The following EXOC4 variants were observed in gnomAD, a reference collection of about 807,000 sequenced individuals.
EXOC4 encodes exocyst complex component 4, also known as SEC8-like 1.
A neutral mutation model predicts 107.2 loss-of-function variants in EXOC4; 71 were observed. That is an observed-to-expected ratio of 0.66 (90% confidence interval 0.55 to 0.81). The LOEUF is 0.81. Among genes scored for constraint, EXOC4 ranks in the 30% least tolerant of loss-of-function variants. The pLI, the probability that EXOC4 is intolerant of heterozygous loss-of-function variation, is 0.00. For missense variants in EXOC4, 1,108 were observed against 1,189.6 expected, an observed-to-expected ratio of 0.93 and a Z score of 1.01; for synonymous variants, 456 against 441.2, an observed-to-expected ratio of 1.03 and a Z score of -0.42.
intron 10 of EXOC4, among the ~76,000 whole-genome samples, chr7:133,702,004 T>TC (rs1562915057): frequency 7.2e-6 from 1 of 139,648 alleles, no homozygotes; most frequent in African/African-American, 2.6e-5. Context: ...TTTCTTTTTT[T>TC]TTTTTTTTTT....
intron 17 of EXOC4, among the ~76,000 whole-genome samples, chr7:134,050,328 T>G (rs1795755653): frequency 6.6e-6 from 1 of 152,162 alleles, no homozygotes; most frequent in African/African-American, 2.4e-5. Flanking sequence ...CTTAGTCTTC[T>G]TAACAATTCT....
chr7:133,714,121 T>A lies in EXOC4; in HGVS notation c.1514+83980T>A, dbSNP rs569265456. 5.3e-5 allele frequency among the ~76,000 whole-genome samples: 8 copies of A among 151,790 alleles called. No individual in the cohort carries two copies. In the East Asian group the frequency reaches 1.2e-3, roughly 22 times the overall value. On this transcript the variant is annotated intron_variant, in intron 10 of 17. Transcript: ENST00000253861. ...AGTACTAGGTAGAAGCTTTCTAGAG[T>A]TGGGAGAGAGTTTTTTCTGCAAAAA...
In EXOC4 at chr7:133,630,046, G is replaced by A; in HGVS notation, c.1419G>A (p.Gly473=). The A allele has an allele frequency of 2.5e-6, 4 of 1,611,584 alleles. No individual in the cohort carries two copies. Among genetic ancestry groups the A allele is most frequent in the Non-Finnish European group, 3.4e-6 (4 of 1,178,014 alleles). Residue 473 remains glycine, a splice_region_variant and synonymous_variant, in exon 10 of 18, where the codon GGG becomes GGA. Transcript: ENST00000253861. ...ELYSRSGELQ[G]GPDDNLIEGG... is the part of the protein sequence containing the mutation. ...TGTTTTTTTTCTTTCTTCTGAAAGG[G>A]GGTCCTGATGACAACTTAATTGAAG...
At chr7:133,465,565 A>G (rs1290997731) in intron 7 of EXOC4, among the ~76,000 whole-genome samples, 1 of 152,238 alleles carries the variant, frequency 6.6e-6, no homozygotes, top group Non-Finnish European at 1.5e-5. Context: ...CATGTATGGT[A>G]CACTCAACAC....
chr7:133,821,089 A>G (rs1429727268), intron 11 of EXOC4, among the ~76,000 whole-genome samples: 1 of 152,226 alleles, frequency 6.6e-6, no homozygotes, highest in Non-Finnish European at 1.5e-5. Context: ...ACTAGTGGTA[A>G]TAATAGAAGA....
At chr7:133,990,659 T>C (rs1169982800) in intron 14 of EXOC4, among the ~76,000 whole-genome samples, 1 of 152,156 alleles carries the variant, frequency 6.6e-6, no homozygotes, top group Admixed American at 6.5e-5. Context: ...TTTCAGCATG[T>C]TGGCCGGGCT....
At chr7:133,833,475 T>G (rs775488445) in intron 11 of EXOC4, among the ~76,000 whole-genome samples, 8 of 152,028 alleles carry the variant, frequency 5.3e-5, no homozygotes, top group Non-Finnish European at 1.0e-4. Context: ...TAACTAGGAG[T>G]TGTTTTTGTT....
chr7:133,336,861 G>A (rs1159055271), intron 5 of EXOC4, among the ~76,000 whole-genome samples: 1 of 152,018 alleles, frequency 6.6e-6, no homozygotes, highest in Non-Finnish European at 1.5e-5. Flanking sequence ...AGCCTCCAGA[G>A]TAGCTGGGAC....
At chr7:134,060,564 G>T (rs943727856) in intron 17 of EXOC4, among the ~76,000 whole-genome samples, 1 of 152,192 alleles carries the variant, frequency 6.6e-6, no homozygotes, top group Non-Finnish European at 1.5e-5. Context: ...ATTTCCTGGG[G>T]CCTCAATAAG....
At chr7:133,328,109 G>A (rs1281744124) in intron 5 of EXOC4, among the ~76,000 whole-genome samples, 1 of 152,168 alleles carries the variant, frequency 6.6e-6, no homozygotes, top group Non-Finnish European at 1.5e-5. Flanking sequence ...ATGAATCTGA[G>A]TGCTTCTGTA....
chr7:134,036,276 CT>C (rs1452606944), intron 17 of EXOC4, among the ~76,000 whole-genome samples: 1 of 152,162 alleles, frequency 6.6e-6, no homozygotes, highest in African/African-American at 2.4e-5. Flanking sequence ...TTCTCTCCAG[CT>C]TATGTATCAT....
intron 12 of EXOC4, among the ~76,000 whole-genome samples, chr7:133,902,638 A>G (rs1250636892): frequency 6.6e-5 from 10 of 152,124 alleles, no homozygotes. Context: ...GCAGATCACC[A>G]GGTCAACAGA....
At chr7:133,669,405 C>T (rs2151055794) in intron 10 of EXOC4, among the ~76,000 whole-genome samples, 1 of 152,258 alleles carries the variant, frequency 6.6e-6, no homozygotes, top group South Asian at 2.1e-4. Context: ...AGCTTTTTGG[C>T]CAGGCCAGGG....
chr7:133,699,582 G>T (rs1209771482), intron 10 of EXOC4, among the ~76,000 whole-genome samples: 1 of 152,096 alleles, frequency 6.6e-6, no homozygotes, highest in Non-Finnish European at 1.5e-5. Flanking sequence ...GTAGGGTTGC[G>T]GTGGCCTTTA....
rs541067375 is a variant in EXOC4 at position 133,770,277 on chromosome 7, C to T, written c.1515-47048C>T. On this transcript the variant is annotated intron_variant, in intron 10 of 17. Transcript: ENST00000253861. Reference sequence around the variant, plus strand: ...CCAGGTTATTGTGAGGAAGCTAAGGCACAAGAAATTAAGCAACTTGCCCAT... The same window carrying T: ...CCAGGTTATTGTGAGGAAGCTAAGGTACAAGAAATTAAGCAACTTGCCCAT... Among the ~76,000 whole-genome samples the T allele has an allele frequency of 2.0e-5, 3 of 151,956 alleles. No homozygotes were observed. The South Asian group carries it at 6.2e-4, about 32-fold the overall frequency.
intron 10 of EXOC4, among the ~76,000 whole-genome samples, chr7:133,759,295 C>G (rs1013388924): frequency 2.6e-5 from 4 of 152,114 alleles, no homozygotes; most frequent in African/African-American, 9.7e-5. Context: ...AATCCTTTTT[C>G]TCATGGAATA....
At chr7:133,580,340 A>G (rs1055548026) in intron 9 of EXOC4, among the ~76,000 whole-genome samples, 2 of 152,138 alleles carry the variant, frequency 1.3e-5, no homozygotes, top group African/African-American at 2.4e-5. Context: ...CCTGCTTTTA[A>G]TTCTTTTGGA....
chr7:133,757,581 T>C (rs1290960136), intron 10 of EXOC4, among the ~76,000 whole-genome samples: 1 of 152,196 alleles, frequency 6.6e-6, no homozygotes, highest in African/African-American at 2.4e-5. Flanking sequence ...AAAAGGACAA[T>C]AATCCCACAG....
At chr7:133,355,851 A>C (rs1796008768) in intron 5 of EXOC4, among the ~76,000 whole-genome samples, 1 of 152,096 alleles carries the variant, frequency 6.6e-6, no homozygotes, top group South Asian at 2.1e-4. Flanking sequence ...CTTTTTAAAA[A>C]ATTTATTATA....
Sources: gnomAD v4.1 joint callset for allele counts (sites outside exome capture counted in the v4.1 genomes callset) on GRCh38, gnomAD v4.1.1 for gene constraint, MANE v1.5 for transcripts, NCBI Gene and HGNC (gene_info 2026-07-23, HGNC 2026-07-21) for gene names.